GNAI1: variants seen among roughly 807,000 people sequenced by gnomAD.
The protein encoded by GNAI1 is G protein subunit alpha i1.
GNAI1 carries 11 observed loss-of-function variants against 38.9 expected under a neutral mutation model. The observed-to-expected ratio is 0.28, with a 90% confidence interval of 0.18 to 0.47. The LOEUF is 0.47. Ranked by LOEUF, GNAI1 falls within the 20% of genes least tolerant of loss-of-function variation. The probability of loss-of-function intolerance (pLI) is 0.99; values close to 1 mark genes in which losing one functional copy is unlikely to be tolerated. For missense variants in GNAI1, 317 were observed against 436.9 expected (o/e 0.73, Z 2.45); for synonymous variants, 166 against 145.1 (o/e 1.14, Z -1.04).
chr7:80,193,149 G>A (rs968987806), intron 3 of GNAI1, among the ~76,000 whole-genome samples: 2 of 151,664 alleles, frequency 1.3e-5, no homozygotes, highest in Non-Finnish European at 2.9e-5. Context: ...TTGTTCTTTT[G>A]CCGAATATCA....
At chr7:80,197,429 T>C (rs1263461055) in intron 3 of GNAI1, among the ~76,000 whole-genome samples, 2 of 152,020 alleles carry the variant, frequency 1.3e-5, no homozygotes, top group Non-Finnish European at 2.9e-5. Flanking sequence ...CATTAGTCTT[T>C]TTTTGTCAAA....
rs75324088 is a variant in GNAI1, at chr7:80,193,021, G to T, written c.303+3790G>T. On this transcript the variant is annotated intron_variant, in intron 3 of 7. Transcript: ENST00000649796. ...GCCTTGTTTTATTGTTTTTTTTTTTGTTTTTAATAATTATTATTACATTAC... is the reference window on the plus strand; with the variant it reads ...GCCTTGTTTTATTGTTTTTTTTTTTTTTTTTAATAATTATTATTACATTAC... Among the ~76,000 whole-genome samples the T allele has an allele frequency of 5.8e-4, 85 of 146,188 alleles. No individual in the cohort carries two copies. In the East Asian group the frequency reaches 0.012, roughly 21 times the overall value.
chr7:80,155,838 C>T (rs1039115520), intron 1 of GNAI1, among the ~76,000 whole-genome samples: 4 of 151,814 alleles, frequency 2.6e-5, no homozygotes, highest in Admixed American at 6.6e-5. Context: ...GGGTGGATCA[C>T]GAGGTCAGGA....
rs116740239 is a variant in GNAI1 at position 80,192,705 on chromosome 7, G to T, written c.303+3474G>T. On this transcript the variant is annotated intron_variant, in intron 3 of 7. Coordinates refer to ENST00000649796, the MANE Select transcript of GNAI1 (RefSeq NM_002069.6). Reference sequence around the variant, plus strand: ...TTATCTTTTGGTTTTTTTTCTGTTTGTTTTTTTTGAAATGGAGTTTTGCTC... The same window carrying T: ...TTATCTTTTGGTTTTTTTTCTGTTTTTTTTTTTTGAAATGGAGTTTTGCTC... Among the ~76,000 whole-genome samples, 522 of 151,682 alleles carry T rather than the reference G, an allele frequency of 3.4e-3. 1 individual carries two copies. The highest frequency in any genetic ancestry group is 0.011 in the African/African-American group (462 of 41,390).
rs1789014385 is a variant in GNAI1, at chr7:80,218,502, C to T, written c.*1009C>T. On this transcript the variant is annotated 3_prime_UTR_variant, in exon 8 of 8. Transcript: ENST00000649796. ...ACATTGATTGGTGAGGCTTTTATTT[C>T]CCTTGAGGAGTCTCTTGTACCTAGC... 6.6e-6 allele frequency: 1 copy of T among 151,612 alleles called. No individual in the cohort carries two copies. Among genetic ancestry groups the T allele is most frequent in the African/African-American group, 2.4e-5 (1 of 41,298 alleles). 9.4% of individuals were successfully genotyped at this position (151,612 alleles called of 1,614,324 possible).
In GNAI1 at chr7:80,135,118, T is replaced by C. The variant is rs760137450; in HGVS notation, c.-43T>C. On this transcript the variant is annotated 5_prime_UTR_variant, in exon 1 of 8. Transcript: ENST00000649796. ...ATTCCCCTGTGCTTGGAGCCCGCAC[T>C]CGGGCGCGGAGGGAGCGGCGGCAGG... is the stretch of plus-strand genomic sequence containing the variant. 4 of 1,345,328 alleles carry C rather than the reference T, an allele frequency of 3.0e-6. No individual in the cohort carries two copies. Among genetic ancestry groups the C allele is most frequent in the Non-Finnish European group, 2.0e-6 (2 of 1,003,224 alleles). 83.3% of individuals were successfully genotyped at this position (1,345,328 alleles called of 1,614,324 possible).
chr7:80,163,560 A>C (rs1787960253), intron 1 of GNAI1, among the ~76,000 whole-genome samples: 1 of 152,332 alleles, frequency 6.6e-6, no homozygotes, highest in Non-Finnish European at 1.5e-5. Flanking sequence ...TTTGAGTCCA[A>C]GTTCTGTGTT....
chr7:80,166,189 C>T (rs1298203714), intron 1 of GNAI1, among the ~76,000 whole-genome samples: 2 of 152,152 alleles, frequency 1.3e-5, no homozygotes, highest in East Asian at 3.8e-4. Flanking sequence ...CTACCATTCA[C>T]TAGGCATTAT....
At chr7:80,197,377 A>G (rs930448543) in intron 3 of GNAI1, among the ~76,000 whole-genome samples, 1 of 151,964 alleles carries the variant, frequency 6.6e-6, no homozygotes, top group Admixed American at 6.6e-5. Flanking sequence ...CTATTCCTGG[A>G]AAGTTTGAGA....
intron 1 of GNAI1, among the ~76,000 whole-genome samples, chr7:80,162,590 C>T (rs1030059111): frequency 2.6e-5 from 4 of 152,118 alleles, no homozygotes; most frequent in East Asian, 1.9e-4. Context: ...TTTATATTTT[C>T]GAAGAGAAAG....
chr7:80,211,737 G>C (rs1012826022), intron 6 of GNAI1, among the ~76,000 whole-genome samples: 2 of 152,038 alleles, frequency 1.3e-5, no homozygotes, highest in Non-Finnish European at 2.9e-5. Flanking sequence ...TTTAATATAT[G>C]TTATGCTTTG....
intron 3 of GNAI1, among the ~76,000 whole-genome samples, chr7:80,192,020 A>G (rs753043870): frequency 9.9e-5 from 15 of 152,098 alleles, no homozygotes; most frequent in Non-Finnish European, 1.8e-4. Flanking sequence ...AACTCCTCTT[A>G]GTTTTCACTC....
At chr7:80,188,917 G>A (rs370926294) in intron 1 of GNAI1, 34 bp from the exon 2 acceptor site, 10 of 1,424,658 alleles carry the variant, frequency 7.0e-6, no homozygotes, top group Non-Finnish European at 9.9e-6. Context: ...TGATTATGAT[G>A]AAATTAGAAA....
rs67345654 is a variant in GNAI1, at chr7:80,222,382, A to ATTTTTTTTTTTTTT, written c.*4895_*4908dup. On this transcript the variant is annotated 3_prime_UTR_variant, in exon 8 of 8. Transcript: ENST00000649796. ...TGAAGGAGCTAGTTCTTCAAATTTAATTTTTTTTTTTTTTTTTTTCCTGAG... is the reference window on the plus strand; with the variant it reads ...TGAAGGAGCTAGTTCTTCAAATTTAATTTTTTTTTTTTTTTTTTTTTTTTTTTTTTTTTCCTGAG... Among the ~76,000 whole-genome samples, 1 of 127,872 alleles carries ATTTTTTTTTTTTTT rather than the reference A, an allele frequency of 7.8e-6. No homozygotes were observed. The highest frequency in any genetic ancestry group is 1.6e-5 in the Non-Finnish European group (1 of 61,960). 83.9% of individuals were successfully genotyped at this position (127,872 alleles called of 152,430 possible).
chr7:80,203,836 A>T lies in GNAI1; in HGVS notation c.590+4A>T. 1 of 1,499,992 alleles carries T rather than the reference A, an allele frequency of 6.7e-7. No individual in the cohort carries two copies. Among genetic ancestry groups the T allele is most frequent in the Non-Finnish European group, 9.2e-7 (1 of 1,087,284 alleles). The allele number at this position is 1,499,992 out of a possible 1,614,324, so 92.9% of individuals were successfully genotyped here. A position where few individuals can be genotyped will look rare whatever the true frequency, so the allele number is the denominator to read the frequency against. ...CTTTCAAAGATCTTCATTTTAAGTGAGTAGCTTTGAAATATATGATTTCTA... is the reference window on the plus strand; with the variant it reads ...CTTTCAAAGATCTTCATTTTAAGTGTGTAGCTTTGAAATATATGATTTCTA... On this transcript the variant is annotated splice_donor_region_variant and intron_variant, in intron 5 of 7. Transcript: ENST00000649796.
rs1787855184 is a variant in GNAI1 at position 80,158,351 on chromosome 7, ATTC to A, written c.118+23076_118+23078del. Among the ~76,000 whole-genome samples the A allele has an allele frequency of 2.0e-5, 3 of 152,234 alleles. No individual in the cohort carries two copies. In the South Asian group the frequency reaches 6.2e-4, roughly 32 times the overall value. On this transcript the variant is annotated intron_variant, in intron 1 of 7. Transcript: ENST00000649796. The stretch of plus-strand genomic sequence containing the variant: ...AGCAGTGTTTCCACATACTTATGAA[ATTC>A]TTGTTTTCTAAAGGGTGACTGAAAA...
At chr7:80,211,292 C>A (rs933339528) in intron 6 of GNAI1, among the ~76,000 whole-genome samples, 194 bp downstream of exon 6, 1 of 152,292 alleles carries the variant, frequency 6.6e-6, no homozygotes, top group African/African-American at 2.4e-5. Context: ...GAGTCAATCT[C>A]ACCTCAAGCC....
chr7:80,205,271 A>G (rs1003713733), intron 5 of GNAI1, among the ~76,000 whole-genome samples: 13 of 152,166 alleles, frequency 8.5e-5, no homozygotes, highest in Admixed American at 2.0e-4. Context: ...TTGTAGACTT[A>G]CAGGGATTTT....
chr7:80,145,419 A>T (rs550487385), intron 1 of GNAI1, among the ~76,000 whole-genome samples: 2 of 152,164 alleles, frequency 1.3e-5, no homozygotes, highest in South Asian at 4.2e-4. Context: ...TTTTATATGA[A>T]GGTTGGGCTT....
Sources: allele counts gnomAD v4.1 joint callset (sites outside exome capture counted in the v4.1 genomes callset), GRCh38; gene constraint gnomAD v4.1.1; transcripts MANE v1.5; gene names NCBI Gene and HGNC (gene_info 2026-07-23, HGNC 2026-07-21).